Variants in DSC3 observed in about 807,000 individuals in gnomAD.
DSC3 encodes the protein desmocollin 3.
DSC3 carries 97 observed loss-of-function variants against 89.5 expected under a neutral mutation model. The observed-to-expected ratio is 1.08, with a 90% CI of 0.92 to 1.28. The LOEUF (loss-of-function observed/expected upper bound fraction) is 1.28. Ranked by LOEUF, DSC3 falls within the 50% of genes most tolerant of loss-of-function variation. The pLI is 0.00. For synonymous variants in DSC3, 436 were observed against 384.1 expected (o/e 1.14, Z -1.58); for missense variants, 1,199 against 1,085.3 (o/e 1.10, Z -1.47).
At chr18:31,024,734 G>A (rs954382528) in intron 5 of DSC3, among the ~76,000 whole-genome samples, 1 of 152,076 alleles carries the variant, frequency 6.6e-6, no homozygotes, top group Non-Finnish European at 1.5e-5. Context: ...CAGTGAAGTC[G>A]GGGCTGACTC....
chr18:31,031,165 C>T lies in DSC3; in HGVS notation c.162G>A (p.Leu54=). The T allele has an allele frequency of 6.2e-7, 1 of 1,607,152 alleles. No individual in the cohort carries two copies. Among genetic ancestry groups the T allele is most frequent in the Non-Finnish European group, 8.5e-7 (1 of 1,177,290 alleles). Residue 54 remains leucine (L), a synonymous_variant, in exon 3 of 16, where the codon TTG becomes TTA. Coordinates refer to ENST00000360428, the MANE Select transcript of DSC3 (RefSeq NM_001941.5). ...GGTCTGCAGACCTGAAGCACTCTTC[C>T]AAATTAACTGCAAGTAAAAATTTCC... The part of the protein sequence containing the change: ...EADKIIGRVN[L]EECFRSADLI...
chr18:31,037,680 T>A (rs184258401), intron 1 of DSC3, among the ~76,000 whole-genome samples: 117 of 152,294 alleles, frequency 7.7e-4, no homozygotes, highest in Middle Eastern at 6.8e-3. Flanking sequence ...GGCAGGCGGA[T>A]CATGAGGTCA....
At chr18:30,996,004 A>AAAAAAAAAAG (rs1380162048) in intron 15 of DSC3, among the ~76,000 whole-genome samples, 1 of 143,658 alleles carries the variant, frequency 7.0e-6, no homozygotes, top group African/African-American at 2.8e-5. Context: ...AAAAAAGAAA[A>AAAAAAAAAAG]GAAAGAAAAA....
chr18:31,011,873 G>C (rs1405906569), intron 9 of DSC3, among the ~76,000 whole-genome samples: 1 of 142,814 alleles, frequency 7.0e-6, no homozygotes, highest in Admixed American at 7.4e-5. Flanking sequence ...TGCGCCTGTA[G>C]TCCCAGCTGC....
chr18:31,035,677 A>G (rs1161433331), intron 1 of DSC3, among the ~76,000 whole-genome samples: 1 of 151,730 alleles, frequency 6.6e-6, no homozygotes, highest in Non-Finnish European at 1.5e-5. Flanking sequence ...ATTTAAATCA[A>G]TTAAATCATA....
chr18:31,039,173 A>T (rs1462912534), intron 1 of DSC3, among the ~76,000 whole-genome samples: 3 of 152,164 alleles, frequency 2.0e-5, no homozygotes, highest in Admixed American at 1.3e-4. Context: ...TAAGCAAAAT[A>T]GTTTTGTTGC....
intron 15 of DSC3, 92 bp downstream of exon 15, chr18:30,996,698 GA>G (rs1984476967): frequency 1.3e-6 from 2 of 1,519,988 alleles, no homozygotes; most frequent in Admixed American, 1.9e-5. Context: ...AGAGCCCACA[GA>G]AAAATACAGA....
chr18:31,040,481 T>C (rs1986096792), intron 1 of DSC3, among the ~76,000 whole-genome samples: 1 of 152,230 alleles, frequency 6.6e-6, no homozygotes, highest in African/African-American at 2.4e-5. Context: ...TATACTTCTT[T>C]TTTTAGTATC....
intron 2 of DSC3, 23 bp from the exon 3 acceptor site, chr18:31,031,195 T>C (rs757271488): frequency 6.4e-7 from 1 of 1,573,190 alleles, no homozygotes; most frequent in Non-Finnish European, 8.7e-7. Context: ...ATTTCCAAGT[T>C]GTAAGGTAAA....
intron 8 of DSC3, 47 bp downstream of exon 8, chr18:31,018,619 A>T: frequency 6.3e-7 from 1 of 1,583,652 alleles, no homozygotes; most frequent in Non-Finnish European, 8.6e-7. Context: ...TTAAATAAAA[A>T]ATGATAGCAG....
intron 14 of DSC3, among the ~76,000 whole-genome samples, chr18:31,001,043 G>A (rs939646489): frequency 1.4e-5 from 2 of 144,488 alleles, no homozygotes; most frequent in Non-Finnish European, 3.0e-5. Flanking sequence ...TTGTGTATAT[G>A]TGTGTGTATA....
At chr18:31,014,198 T>A in intron 9 of DSC3, among the ~76,000 whole-genome samples, 1 of 152,126 alleles carries the variant, frequency 6.6e-6, no homozygotes, top group South Asian at 2.1e-4. Context: ...GATATGGAAC[T>A]GGTTAAAAAA....
At chr18:31,032,377 C>T (rs1985820884) in intron 1 of DSC3, 101 bp from the exon 2 acceptor site, 3 of 905,618 alleles carry the variant, frequency 3.3e-6, no homozygotes, top group African/African-American at 3.3e-5. Flanking sequence ...AAGTCCAACA[C>T]CCATTTACAA....
At chr18:30,995,934 T>C (rs920862044) in intron 15 of DSC3, among the ~76,000 whole-genome samples, 1 of 119,546 alleles carries the variant, frequency 8.4e-6, no homozygotes, top group Admixed American at 1.2e-4. Context: ...ATTGCACCAC[T>C]GAACTCCAGC....
rs1406804151 is a variant in DSC3 at position 30,999,969 on chromosome 18, GT to G, written c.2235+1648del. On this transcript the variant is annotated intron_variant, in intron 14 of 15. Coordinates refer to ENST00000360428, the MANE Select transcript of DSC3 (RefSeq NM_001941.5). ...TTAAATGGCAAAGAACAGATATTAA[GT>G]AAAAGTCATCCATGCCGGTCTTAAA... Among the ~76,000 whole-genome samples the G allele has an allele frequency of 8.5e-5, 13 of 152,230 alleles. No individual in the cohort carries two copies. The South Asian group carries it at 1.5e-3, about 17-fold the overall frequency.
At chr18:31,042,077 G>C (rs970327241) in intron 1 of DSC3, among the ~76,000 whole-genome samples, 1 of 151,958 alleles carries the variant, frequency 6.6e-6, no homozygotes, top group Non-Finnish European at 1.5e-5. Flanking sequence ...CACTTCTCAG[G>C]GGCAGCCCCA....
At position 30,994,536 on chromosome 18, in the gene DSC3, C is replaced by T. The variant is rs200987346; in HGVS notation, c.2494-164G>A. ...TGCAAATGATTGGTCTATATCACAA[C>T]CATACCATAAAGTCAGTATAGTTTA... On this transcript the variant is annotated intron_variant, in intron 15 of 15. Transcript: ENST00000360428. 3.3e-5 allele frequency: 50 copies of T among 1,500,452 alleles called. No individual in the cohort carries two copies. The Admixed American group carries it at 6.6e-4, about 20-fold the overall frequency. 92.9% of individuals were successfully genotyped at this position (1,500,452 alleles called of 1,614,324 possible). A position where few individuals can be genotyped will look rare whatever the true frequency, so the allele number is the denominator to read the frequency against.
chr18:31,008,225 A>G (rs190974978), intron 10 of DSC3, 44 bp downstream of exon 10: 5 of 1,610,716 alleles, frequency 3.1e-6, no homozygotes. Context: ...TATCTCAATG[A>G]TTACAAATAC....
chr18:30,995,073 G>A (rs1417679640), intron 15 of DSC3, among the ~76,000 whole-genome samples: 1 of 152,110 alleles, frequency 6.6e-6, no homozygotes, highest in Admixed American at 6.5e-5. Flanking sequence ...TGCAAAAACT[G>A]GGCTTTTATA....
Sources: allele counts gnomAD v4.1 joint callset (sites outside exome capture counted in the v4.1 genomes callset), GRCh38; gene constraint gnomAD v4.1.1; transcripts MANE v1.5; gene names NCBI Gene and HGNC (gene_info 2026-07-23, HGNC 2026-07-21).